Variants in ENTPD1 observed in about 807,000 individuals in gnomAD.
ENTPD1 encodes ATP diphosphohydrolase.
Under a neutral mutation model 57.0 loss-of-function variants are expected in ENTPD1, and 33 were observed. The observed-to-expected ratio is 0.58, with a 90% CI of 0.44 to 0.77. ENTPD1 has a LOEUF of 0.77. Among genes scored for constraint, ENTPD1 ranks in the 30% least tolerant of loss-of-function variants. The pLI is 0.00. For synonymous variants in ENTPD1, 202 were observed against 218.8 expected, an observed-to-expected ratio of 0.92 and a Z score of 0.68; for missense variants, 501 against 603.4, an observed-to-expected ratio of 0.83 and a Z score of 1.78.
chr10:95,736,874 C>T lies in ENTPD1; in HGVS notation c.37+24881C>T, dbSNP rs568892104. Among the ~76,000 whole-genome samples the T allele has an allele frequency of 2.0e-5, 3 of 152,282 alleles. No homozygotes were observed. The South Asian group carries it at 6.2e-4, about 32-fold the overall frequency. The stretch of plus-strand genomic sequence containing the variant: ...TCAGTATAATTTAGTCAATTACTCC[C>T]AGTAGTTTCTCAGCTTTGTTCTGCT... On this transcript the variant is annotated intron_variant, in intron 1 of 9. Transcript: ENST00000453258.
intron 1 of ENTPD1, among the ~76,000 whole-genome samples, chr10:95,765,441 G>T (rs1337729819): frequency 1.3e-5 from 2 of 152,120 alleles, no homozygotes; most frequent in Non-Finnish European, 2.9e-5. Context: ...TTGTTGAAAA[G>T]ATTATTATTT....
intron 1 of ENTPD1, among the ~76,000 whole-genome samples, chr10:95,729,143 T>C (rs998169897): frequency 1.3e-5 from 2 of 152,148 alleles, no homozygotes; most frequent in Non-Finnish European, 2.9e-5. Flanking sequence ...CTCTCAAAGT[T>C]CAAACTTGAG....
At chr10:95,747,566 A>C (rs534054124) in intron 1 of ENTPD1, among the ~76,000 whole-genome samples, 147 of 152,304 alleles carry the variant, frequency 9.7e-4, no homozygotes, top group African/African-American at 3.4e-3. Context: ...TGATGCAGAA[A>C]CTACCATTAC....
In ENTPD1 at chr10:95,860,563, G is replaced by C. The variant is rs1197331222; in HGVS notation, c.1169G>C (p.Cys390Ser). 1 of 1,613,704 alleles carries C rather than the reference G, an allele frequency of 6.2e-7. No homozygotes were observed. Among genetic ancestry groups the C allele is most frequent in the Non-Finnish European group, 8.5e-7 (1 of 1,179,762 alleles). Residue 390 changes from cysteine to serine, a missense_variant, in exon 8 of 10, where the codon TGT (cysteine) becomes TCT (serine). Cys to Ser is a moderately radical substitution (Grantham distance 112, BLOSUM62 -1). Coordinates refer to ENST00000371205, the MANE Select transcript of ENTPD1 (RefSeq NM_001776.6). ...EKVTEMMKKF[C>S]AQPWEEIKTS... ...GTGACTGAGATGATGAAAAAGTTCTGTGCTCAGCCTTGGGAGGAGGTAAGT... is the reference window on the plus strand; with the variant it reads ...GTGACTGAGATGATGAAAAAGTTCTCTGCTCAGCCTTGGGAGGAGGTAAGT...
At chr10:95,740,564 TCTC>T (rs964957796) in intron 1 of ENTPD1, among the ~76,000 whole-genome samples, 2 of 152,312 alleles carry the variant, frequency 1.3e-5, no homozygotes, top group African/African-American at 4.8e-5. Flanking sequence ...GGTATTGACT[TCTC>T]CTCTCTAGCT....
chr10:95,732,378 C>T (rs972100586), intron 1 of ENTPD1, among the ~76,000 whole-genome samples: 2 of 152,184 alleles, frequency 1.3e-5, no homozygotes, highest in African/African-American at 4.8e-5. Context: ...TTAGTTACAA[C>T]AAAGCTATTC....
intron 2 of ENTPD1, among the ~76,000 whole-genome samples, chr10:95,823,969 GAAC>G (rs745892350): frequency 6.6e-6 from 1 of 152,102 alleles, no homozygotes; most frequent in Non-Finnish European, 1.5e-5. Context: ...TTCTACATTT[GAAC>G]AACTAGTTAA....
intron 1 of ENTPD1, among the ~76,000 whole-genome samples, chr10:95,817,506 T>C (rs142380684): frequency 3.9e-4 from 59 of 152,324 alleles, no homozygotes; most frequent in African/African-American, 1.4e-3. Context: ...ACTTTAGAAG[T>C]AAGTCACATC....
chr10:95,709,471 C>T (rs1480593241), upstream of ENTPD1, among the ~76,000 whole-genome samples: 3 of 152,104 alleles, frequency 2.0e-5, no homozygotes, highest in Non-Finnish European at 4.4e-5. Flanking sequence ...GCAACCTCCA[C>T]CTCCCGGGTT....
chr10:95,866,497 C>A lies in ENTPD1; in HGVS notation c.*114C>A, dbSNP rs933417439. Reference sequence around the variant, plus strand: ...CCCTGTCTGCCAGGGCCAGTCTTGACGAGTGTGAAGCTTCCTTGGCTTTTA... The same window carrying A: ...CCCTGTCTGCCAGGGCCAGTCTTGAAGAGTGTGAAGCTTCCTTGGCTTTTA... On this transcript the variant is annotated 3_prime_UTR_variant, in exon 10 of 10. Transcript: ENST00000371205. The A allele has an allele frequency of 1.9e-6, 3 of 1,548,378 alleles. No individual in the cohort carries two copies. The highest frequency in any genetic ancestry group is 2.7e-5 in the African/African-American group (2 of 73,286).
Position 95,874,804 on chromosome 10 carries a change from T to C in ENTPD1, c.*8421T>C, listed in dbSNP as rs1189821775. Among the ~76,000 whole-genome samples the C allele has an allele frequency of 6.6e-6, 1 of 152,216 alleles. No homozygotes were observed. The highest frequency in any genetic ancestry group is 1.5e-5 in the Non-Finnish European group (1 of 68,040). On this transcript the variant is annotated 3_prime_UTR_variant, in exon 10 of 10. Transcript: ENST00000371205. ...GGTTCCCAAATCTCAATTCTTGACATCTCTGCACCCACAGGCTCAACATCA... is the reference window on the plus strand; with the variant it reads ...GGTTCCCAAATCTCAATTCTTGACACCTCTGCACCCACAGGCTCAACATCA...
In ENTPD1 at chr10:95,876,162, T is replaced by C; in HGVS notation, c.*9779T>C. On this transcript the variant is annotated 3_prime_UTR_variant, in exon 10 of 10. Coordinates refer to ENST00000371205, the MANE Select transcript of ENTPD1 (RefSeq NM_001776.6). ...ATTCCCAGTTTTGAAAATGCAACAT[T>C]TGTACTCCACATTGTCAGTTTTCTT... The C allele has an allele frequency of 2.0e-6, 2 of 985,044 alleles. No homozygotes were observed. Among genetic ancestry groups the C allele is most frequent in the Non-Finnish European group, 2.4e-6 (2 of 829,598 alleles). 61.0% of individuals were successfully genotyped at this position (985,044 alleles called of 1,614,324 possible). A position where few individuals can be genotyped will look rare whatever the true frequency, so the allele number is the denominator to read the frequency against.
chr10:95,786,697 A>G (rs1252228981), intron 1 of ENTPD1, among the ~76,000 whole-genome samples: 1 of 152,116 alleles, frequency 6.6e-6, no homozygotes, highest in Non-Finnish European at 1.5e-5. Flanking sequence ...ACCTTATCCA[A>G]CCTAGACTTT....
In ENTPD1 at chr10:95,847,724, T is replaced by C. The variant is rs2098438164; in HGVS notation, c.1074+18T>C. ...ATTTTGGGGTAAGTTTGTGAAATGA[T>C]GAGGTATAGGATGTCTTGTTTACAA... On this transcript the variant is annotated intron_variant, in intron 7 of 9. Coordinates refer to ENST00000371205, the MANE Select transcript of ENTPD1 (RefSeq NM_001776.6). The C allele has an allele frequency of 6.2e-7, 1 of 1,614,002 alleles. No homozygotes were observed. The highest frequency in any genetic ancestry group is 8.5e-7 in the Non-Finnish European group (1 of 1,179,910).
intron 1 of ENTPD1, among the ~76,000 whole-genome samples, chr10:95,778,412 T>C (rs1426211143): frequency 6.6e-6 from 1 of 152,192 alleles, no homozygotes; most frequent in East Asian, 1.9e-4. Context: ...TGAGAAAATA[T>C]CCAACTTCAC....
chr10:95,704,343 A>C, the ENTPD1 span, among the ~76,000 whole-genome samples: 123 of 152,314 alleles, frequency 8.1e-4, 1 homozygote, highest in South Asian at 2.7e-3. Context: ...GAGAATCTTA[A>C]AGAAGAACAA....
At chr10:95,767,231 G>A (rs547107674) in intron 1 of ENTPD1, among the ~76,000 whole-genome samples, 1 of 150,186 alleles carries the variant, frequency 6.7e-6, no homozygotes, top group Admixed American at 6.6e-5. Context: ...CAGGAGAATG[G>A]TGTGAACCTG....
In ENTPD1 at chr10:95,869,333, T is replaced by C. The variant is rs1469166140; in HGVS notation, c.*2950T>C. 1 of 856,092 alleles carries C rather than the reference T, an allele frequency of 1.2e-6. No homozygotes were observed. Among genetic ancestry groups the C allele is most frequent in the Non-Finnish European group, 1.4e-6 (1 of 725,056 alleles). 53.0% of individuals were successfully genotyped at this position (856,092 alleles called of 1,614,324 possible). A position where few individuals can be genotyped will look rare whatever the true frequency, so the allele number is the denominator to read the frequency against. The stretch of plus-strand genomic sequence containing the variant: ...GGTGCTATCTCGGCTCACTGCAACC[T>C]CCGCCTCCTGGGTTCAAGCAATTCT... On this transcript the variant is annotated 3_prime_UTR_variant, in exon 10 of 10. Coordinates refer to ENST00000371205, the MANE Select transcript of ENTPD1 (RefSeq NM_001776.6).
chr10:95,817,349 C>A (rs1441969550), intron 1 of ENTPD1, among the ~76,000 whole-genome samples: 1 of 152,166 alleles, frequency 6.6e-6, no homozygotes, highest in Non-Finnish European at 1.5e-5. Context: ...GTGGCCTGAC[C>A]TCATTTGAGT....
Sources: gnomAD v4.1 joint callset for allele counts (sites outside exome capture counted in the v4.1 genomes callset) on GRCh38, gnomAD v4.1.1 for gene constraint, MANE v1.5 for transcripts, NCBI Gene and HGNC (gene_info 2026-07-23, HGNC 2026-07-21) for gene names.